The following PCDH15 variants were observed in gnomAD, a reference collection of about 807,000 sequenced individuals.
PCDH15 encodes the protein protocadherin-15.
Under a neutral mutation model 178.5 loss-of-function variants are expected in PCDH15, and 129 were observed. The observed-to-expected ratio is 0.72, with a 90% CI of 0.63 to 0.84. The LOEUF (loss-of-function observed/expected upper bound fraction) is 0.84, where lower values mean the gene tolerates loss of function less well. Ranked by LOEUF, PCDH15 falls within the 40% of genes least tolerant of loss-of-function variation. The pLI, the probability that PCDH15 is intolerant of heterozygous loss-of-function variation, is 0.00. For missense variants in PCDH15, 2,230 were observed against 2,099.9 expected, an observed-to-expected ratio of 1.06 and a Z score of -1.21; for synonymous variants, 800 against 732.0, an observed-to-expected ratio of 1.09 and a Z score of -1.50.
intron 13 of PCDH15, among the ~76,000 whole-genome samples, chr10:54,182,106 T>G (rs570239877): frequency 1.3e-5 from 2 of 152,232 alleles, no homozygotes; most frequent in South Asian, 4.1e-4. Context: ...TACAGGCGCA[T>G]GCCGCCACGT....
intron 1 of PCDH15, among the ~76,000 whole-genome samples, chr10:54,759,804 A>G (rs1421840999): frequency 6.6e-6 from 1 of 152,086 alleles, no homozygotes; most frequent in Admixed American, 6.6e-5. Context: ...CCTATCCTAC[A>G]CTGACGTTTG....
At chr10:53,962,422 T>TA (rs2088452751) in intron 21 of PCDH15, among the ~76,000 whole-genome samples, 1 of 152,202 alleles carries the variant, frequency 6.6e-6, no homozygotes, top group Admixed American at 6.5e-5. Flanking sequence ...ACATGAAAGC[T>TA]AAAAAAACAA....
intron 28 of PCDH15, among the ~76,000 whole-genome samples, chr10:53,853,424 A>C (rs940094746): frequency 6.6e-6 from 1 of 152,060 alleles, no homozygotes; most frequent in Non-Finnish European, 1.5e-5. Flanking sequence ...CAGATGGACT[A>C]CCTCTGACTT....
At chr10:55,293,982 T>A (rs1024012294) in intron 1 of PCDH15, among the ~76,000 whole-genome samples, 1 of 152,138 alleles carries the variant, frequency 6.6e-6, no homozygotes, top group African/African-American at 2.4e-5. Flanking sequence ...ATTTCCATAC[T>A]GCTAATAAGA....
intron 2 of PCDH15, among the ~76,000 whole-genome samples, chr10:54,977,570 C>G (rs1839105336): frequency 6.6e-6 from 1 of 152,152 alleles, no homozygotes; most frequent in African/African-American, 2.4e-5. Flanking sequence ...CTGGAAGACT[C>G]ATGAATAATC....
chr10:54,810,490 C>G (rs548021372), intron 3 of PCDH15, among the ~76,000 whole-genome samples: 1 of 152,014 alleles, frequency 6.6e-6, no homozygotes, highest in East Asian at 1.9e-4. Context: ...TCTTTCTAGA[C>G]GTAACATCAA....
rs559295285 is a variant in PCDH15, at chr10:55,583,749, G to A, written c.-156+43876C>T. 2.6e-5 allele frequency among the ~76,000 whole-genome samples: 4 copies of A among 151,964 alleles called. 1 individual carries two copies. The South Asian group carries it at 8.3e-4, about 32-fold the overall frequency. ...GTGCCTGGCCAACAGTTATGTTATT[G>A]ACACAGAGAATTCCACAATATCGGT... On this transcript the variant is annotated intron_variant, in intron 2 of 5. Transcript: ENST00000613346.
In PCDH15 at chr10:54,589,832, G is replaced by A. The variant is rs111393442; in HGVS notation, c.92-61955C>T. The stretch of plus-strand genomic sequence containing the variant: ...AGGGTGATCTCGATCTCCTGACCTT[G>A]TGATCTGCCTGCCTCAGTCTCCCAA... On this transcript the variant is annotated intron_variant, in intron 2 of 37. Coordinates refer to ENST00000644397, the MANE Select transcript of PCDH15 (RefSeq NM_001384140.1). Among the ~76,000 whole-genome samples, 1,242 of 152,148 alleles carry A rather than the reference G, an allele frequency of 8.2e-3. 11 individuals carry two copies. Among genetic ancestry groups the A allele is most frequent in the African/African-American group, 0.029 (1,192 of 41,516 alleles).
At chr10:55,474,111 C>G (rs976078882) in intron 2 of PCDH15, among the ~76,000 whole-genome samples, 5 of 152,082 alleles carry the variant, frequency 3.3e-5, no homozygotes, top group Admixed American at 3.3e-4. Context: ...GTGAATATTA[C>G]CAATTTTCTA....
At chr10:54,920,267 G>A (rs1432694200) in intron 2 of PCDH15, among the ~76,000 whole-genome samples, 1 of 151,944 alleles carries the variant, frequency 6.6e-6, no homozygotes, top group Admixed American at 6.6e-5. Context: ...TCAGGAGATC[G>A]AGACCATCGT....
intron 2 of PCDH15, among the ~76,000 whole-genome samples, chr10:54,999,403 A>G (rs1423718306): frequency 6.6e-6 from 1 of 152,220 alleles, no homozygotes; most frequent in South Asian, 2.1e-4. Flanking sequence ...ATTTATGTTC[A>G]AGGTAACTTA....
chr10:55,145,876 TG>T (rs1554835006), intron 2 of PCDH15, among the ~76,000 whole-genome samples: 1 of 60,460 alleles, frequency 1.7e-5, no homozygotes, highest in Admixed American at 2.4e-4. Context: ...TACAAACTCT[TG>T]ACTGTAAGTC....
At chr10:55,131,343 C>T (rs148066335) in intron 2 of PCDH15, among the ~76,000 whole-genome samples, 1 of 152,232 alleles carries the variant, frequency 6.6e-6, no homozygotes, top group Non-Finnish European at 1.5e-5. Context: ...CTTGGAGATG[C>T]CAGGAACTGC....
At chr10:55,565,898 C>T (rs1409922432) in intron 2 of PCDH15, among the ~76,000 whole-genome samples, 1 of 151,558 alleles carries the variant, frequency 6.6e-6, no homozygotes, top group Non-Finnish European at 1.5e-5. Flanking sequence ...CCAGTGAATT[C>T]GATAAAACAT....
At chr10:55,110,086 T>A (rs1447915628) in intron 2 of PCDH15, among the ~76,000 whole-genome samples, 2 of 151,810 alleles carry the variant, frequency 1.3e-5, no homozygotes, top group African/African-American at 4.8e-5. Flanking sequence ...TTTATTAATA[T>A]TCTAAATAAC....
chr10:55,303,238 T>C (rs1271397101), intron 1 of PCDH15, among the ~76,000 whole-genome samples: 1 of 152,184 alleles, frequency 6.6e-6, no homozygotes, highest in Non-Finnish European at 1.5e-5. Flanking sequence ...TTCTGCATTC[T>C]CTTTGCCCGC....
chr10:53,830,879 A>T (rs963456041), intron 30 of PCDH15, among the ~76,000 whole-genome samples: 1 of 152,176 alleles, frequency 6.6e-6, no homozygotes, highest in Non-Finnish European at 1.5e-5. Flanking sequence ...CACAAAGGCA[A>T]ATTTAACAGT....
intron 1 of PCDH15, among the ~76,000 whole-genome samples, chr10:54,798,366 A>C (rs1254414176): frequency 2.6e-5 from 4 of 152,190 alleles, no homozygotes; most frequent in African/African-American, 9.6e-5. Flanking sequence ...ACAACAACAA[A>C]ATCCCATTAC....
At chr10:54,201,126 A>G (rs1305385952) in intron 10 of PCDH15, among the ~76,000 whole-genome samples, 2 of 152,156 alleles carry the variant, frequency 1.3e-5, no homozygotes, top group Non-Finnish European at 2.9e-5. Flanking sequence ...ACTTGGAGGC[A>G]CCTCTTGCTT....
Sources: allele counts gnomAD v4.1 joint callset (sites outside exome capture counted in the v4.1 genomes callset), GRCh38; gene constraint gnomAD v4.1.1; transcripts MANE v1.5; gene names NCBI Gene and HGNC (gene_info 2026-07-23, HGNC 2026-07-21).